SNX16: variants seen among roughly 807,000 people sequenced by gnomAD.
SNX16 encodes sorting nexin 16.
A neutral mutation model predicts 36.7 loss-of-function variants in SNX16; 35 were observed. The ratio of observed to expected loss-of-function variants is 0.95; its 90% CI spans 0.73 to 1.27. SNX16 has a LOEUF of 1.27. SNX16 is among the 50% of genes most tolerant of loss of function. The pLI is 0.00. For synonymous variants in SNX16, 134 were observed against 132.0 expected, an observed-to-expected ratio of 1.02 and a Z score of -0.10; for missense variants, 367 against 393.6, an observed-to-expected ratio of 0.93 and a Z score of 0.57.
At position 81,800,415 on chromosome 8, in the gene SNX16, CTT is replaced by C. The variant is rs778074645; in HGVS notation, c.*1080_*1081del. On this transcript the variant is annotated 3_prime_UTR_variant, in exon 8 of 8. Transcript: ENST00000345957. ...AAGCTGACTCAAAGACCCTAGGAGACTTTTGTAGAAAGTGAAATAGTAAAGGC... is the reference window on the plus strand; with the variant it reads ...AAGCTGACTCAAAGACCCTAGGAGACTTGTAGAAAGTGAAATAGTAAAGGC... The C allele has an allele frequency of 6.6e-6, 1 of 152,182 alleles. No homozygotes were observed. Among genetic ancestry groups the C allele is most frequent in the Non-Finnish European group, 1.5e-5 (1 of 67,726 alleles). The allele number at this position is 152,182 out of a possible 1,614,324, so 9.4% of individuals were successfully genotyped here. A position where few individuals can be genotyped will look rare whatever the true frequency, so the allele number is the denominator to read the frequency against.
At chr8:81,835,621 T>A (rs923587747) in intron 2 of SNX16, among the ~76,000 whole-genome samples, 1 of 152,186 alleles carries the variant, frequency 6.6e-6, no homozygotes, top group Admixed American at 6.5e-5. Context: ...GTTCCAGAAA[T>A]CTCTAGGGCA....
intron 4 of SNX16, among the ~76,000 whole-genome samples, chr8:81,820,136 T>C (rs1810667982): frequency 6.6e-6 from 1 of 152,118 alleles, no homozygotes; most frequent in South Asian, 2.1e-4. Context: ...ATGCAACTAA[T>C]TGATGTTTTT....
At chr8:81,823,715 T>A in intron 4 of SNX16, 77 bp downstream of exon 4, 3 of 1,297,832 alleles carry the variant, frequency 2.3e-6, no homozygotes, top group Non-Finnish European at 3.1e-6. Flanking sequence ...TAAATAACTA[T>A]GATCATAGAT....
intron 5 of SNX16, among the ~76,000 whole-genome samples, chr8:81,806,844 A>G (rs890456141): frequency 7.9e-5 from 12 of 152,160 alleles, no homozygotes; most frequent in Non-Finnish European, 1.8e-4. Context: ...TAATAAAACT[A>G]GTAACTTAGA....
intron 2 of SNX16, among the ~76,000 whole-genome samples, chr8:81,834,682 T>A (rs1376693724): frequency 2.0e-5 from 3 of 152,142 alleles, no homozygotes; most frequent in Non-Finnish European, 2.9e-5. Flanking sequence ...ATCTTAAAGC[T>A]CCAAAATACT....
chr8:81,816,468 G>C (rs561382053), intron 4 of SNX16, among the ~76,000 whole-genome samples: 1 of 151,900 alleles, frequency 6.6e-6, no homozygotes, highest in African/African-American at 2.4e-5. Flanking sequence ...GGGATTACAG[G>C]CACGAACCAC....
intron 5 of SNX16, chr8:81,808,188 C>T: frequency 7.5e-7 from 1 of 1,329,460 alleles, no homozygotes. Flanking sequence ...TCATGACTGA[C>T]CAAGGCAGTG....
intron 2 of SNX16, among the ~76,000 whole-genome samples, chr8:81,835,190 T>C (rs1322745231): frequency 8.5e-5 from 13 of 152,208 alleles, no homozygotes; most frequent in Non-Finnish European, 1.8e-4. Context: ...TGTTGGCCCC[T>C]GTCAGCCATG....
At chr8:81,831,600 A>C (rs1811270448) in intron 2 of SNX16, among the ~76,000 whole-genome samples, 1 of 149,736 alleles carries the variant, frequency 6.7e-6, no homozygotes, top group Non-Finnish European at 1.5e-5. Context: ...CGGGAGGCTG[A>C]GATGGGAGAA....
intron 4 of SNX16, among the ~76,000 whole-genome samples, chr8:81,821,442 A>G (rs546646130): frequency 6.6e-6 from 1 of 152,166 alleles, no homozygotes; most frequent in Non-Finnish European, 1.5e-5. Flanking sequence ...AAGGGACAAG[A>G]GAAAAGGGGA....
chr8:81,808,526 C>A (rs1168241741), intron 5 of SNX16: 8 of 971,520 alleles, frequency 8.2e-6, no homozygotes, highest in Non-Finnish European at 1.3e-5. Context: ...ATGATGGAAG[C>A]AACTTTGGAG....
intron 2 of SNX16, among the ~76,000 whole-genome samples, chr8:81,830,311 T>C (rs965232742): frequency 6.6e-6 from 1 of 152,072 alleles, no homozygotes; most frequent in Non-Finnish European, 1.5e-5. Flanking sequence ...GGCTCACACC[T>C]GTAATCCCAG....
At chr8:81,803,334 A>G in intron 5 of SNX16, 106 bp from the exon 6 acceptor site, 1 of 1,127,744 alleles carries the variant, frequency 8.9e-7, no homozygotes, top group Non-Finnish European at 1.2e-6. Context: ...CAAAGAACAC[A>G]GATAATCAAA....
chr8:81,838,712 T>C (rs1427936637), intron 2 of SNX16, among the ~76,000 whole-genome samples: 1 of 151,948 alleles, frequency 6.6e-6, no homozygotes, highest in Non-Finnish European at 1.5e-5. Context: ...TTTGTAGCCT[T>C]GGAGTAGGCA....
intron 5 of SNX16, among the ~76,000 whole-genome samples, chr8:81,812,747 C>A (rs1461568643): frequency 2.0e-5 from 3 of 151,948 alleles, no homozygotes. Flanking sequence ...ATAAAATAAT[C>A]TATGAAATAT....
chr8:81,825,473 T>G (rs1264217280), intron 3 of SNX16, among the ~76,000 whole-genome samples: 2 of 152,166 alleles, frequency 1.3e-5, no homozygotes, highest in African/African-American at 4.8e-5. Context: ...TTAGTTGAAA[T>G]GAGGCCTGGG....
chr8:81,839,030 C>T (rs1229514683), intron 2 of SNX16, among the ~76,000 whole-genome samples: 1 of 152,018 alleles, frequency 6.6e-6, no homozygotes, highest in Non-Finnish European at 1.5e-5. Context: ...CAAATTAAAA[C>T]CACAACCAAT....
chr8:81,816,060 A>G (rs1810469980), intron 4 of SNX16, among the ~76,000 whole-genome samples: 1 of 152,206 alleles, frequency 6.6e-6, no homozygotes, highest in Non-Finnish European at 1.5e-5. Flanking sequence ...CCTTTCTAAA[A>G]AGCAAGTTTG....
chr8:81,810,230 CA>C (rs1041860187), intron 5 of SNX16, among the ~76,000 whole-genome samples: 3 of 151,706 alleles, frequency 2.0e-5, no homozygotes, highest in African/African-American at 7.3e-5. Flanking sequence ...TGAATTTTCC[CA>C]AAAAAAGGTA....
Sources: gnomAD v4.1 joint callset for allele counts (sites outside exome capture counted in the v4.1 genomes callset) on GRCh38, gnomAD v4.1.1 for gene constraint, MANE v1.5 for transcripts, NCBI Gene and HGNC (gene_info 2026-07-23, HGNC 2026-07-21) for gene names.